ZNF257: variants seen among roughly 807,000 people sequenced by gnomAD.
ZNF257 encodes the protein bone marrow zinc finger 4.
Under a neutral mutation model 11.9 loss-of-function variants are expected in ZNF257, and 12 were observed. That is an observed-to-expected ratio of 1.01 (90% CI 0.65 to 1.63). ZNF257 has a LOEUF of 1.63. ZNF257 is among the 40% of genes most tolerant of loss of function. ZNF257 has a pLI of 0.00. For synonymous variants in ZNF257, 183 were observed against 222.7 expected, an observed-to-expected ratio of 0.82 and a Z score of 1.59; for missense variants, 580 against 665.5, an observed-to-expected ratio of 0.87 and a Z score of 1.41.
At chr19:22,082,340 G>A (rs565974512) in intron 3 of ZNF257, among the ~76,000 whole-genome samples, 46 of 152,114 alleles carry the variant, frequency 3.0e-4, no homozygotes, top group Admixed American at 5.9e-4. Flanking sequence ...TAATGGACTC[G>A]TAGCATTTCT....
At chr19:22,059,340 T>C (rs558552993) in intron 1 of ZNF257, among the ~76,000 whole-genome samples, 6 of 152,350 alleles carry the variant, frequency 3.9e-5, no homozygotes, top group Middle Eastern at 6.8e-3. Flanking sequence ...TATTGTTCTC[T>C]TTGTGTCTAT....
At chr19:22,057,091 G>A (rs570982144) in intron 1 of ZNF257, among the ~76,000 whole-genome samples, 2 of 152,080 alleles carry the variant, frequency 1.3e-5, no homozygotes, top group Non-Finnish European at 2.9e-5. Flanking sequence ...CCTCCTAGAA[G>A]TGTTCACATA....
chr19:22,088,441 T>C lies in ZNF257; in HGVS notation c.691T>C (p.Cys231Arg), dbSNP rs2145721368. 6.2e-7 allele frequency: 1 copy of C among 1,613,652 alleles called. No individual in the cohort carries two copies. The highest frequency in any genetic ancestry group is 1.3e-5 in the African/African-American group (1 of 74,918). Residue 231 changes from cysteine to arginine, a missense_variant, in exon 4 of 4, where the codon TGT becomes CGT. Coordinates refer to ENST00000594947, the MANE Select transcript of ZNF257 (RefSeq NM_033468.4). ...TCATACTGGAGAGAAACCCTACAAA[T>C]GTGAAGAGTGTGGAAAAGCTTTTAA... ...MTHTGEKPYK[C>R]EECGKAFNRS...
intron 1 of ZNF257, among the ~76,000 whole-genome samples, chr19:22,056,980 T>A (rs1381023054): frequency 6.6e-6 from 1 of 152,196 alleles, no homozygotes; most frequent in African/African-American, 2.4e-5. Flanking sequence ...ATCAGTTTCT[T>A]TTTTTGCAGG....
chr19:22,089,679 G>T lies in ZNF257; in HGVS notation c.*237G>T. On this transcript the variant is annotated 3_prime_UTR_variant, in exon 4 of 4. Transcript: ENST00000594947. Reference sequence around the variant, plus strand: ...CCAGTTCTCAACTCTTACTAAACATGAGAACACATGTGGAAGATAAAGCCT... The same window carrying T: ...CCAGTTCTCAACTCTTACTAAACATTAGAACACATGTGGAAGATAAAGCCT... 1 of 1,012,502 alleles carries T rather than the reference G, an allele frequency of 9.9e-7. No individual in the cohort carries two copies. 62.7% of individuals were successfully genotyped at this position (1,012,502 alleles called of 1,614,324 possible).
At position 22,059,669 on chromosome 19, in the gene ZNF257, G is replaced by A. The variant is rs191556171; in HGVS notation, c.3+7034G>A. On this transcript the variant is annotated intron_variant, in intron 1 of 3. Coordinates refer to ENST00000594947, the MANE Select transcript of ZNF257 (RefSeq NM_033468.4). Reference sequence around the variant, plus strand: ...TTTTTTTTTTTTTTTTAATGGCCACGTAGTATTCCATGATGCTTATGTACC... The same window carrying A: ...TTTTTTTTTTTTTTTTAATGGCCACATAGTATTCCATGATGCTTATGTACC... Among the ~76,000 whole-genome samples, 12 of 145,352 alleles carry A rather than the reference G, an allele frequency of 8.3e-5. No homozygotes were observed. In the East Asian group the frequency reaches 1.2e-3, roughly 15 times the overall value.
chr19:22,069,410 C>A (rs1185019039), intron 1 of ZNF257, among the ~76,000 whole-genome samples: 1 of 151,738 alleles, frequency 6.6e-6, no homozygotes, highest in East Asian at 1.9e-4. Flanking sequence ...GTCAGGAGTT[C>A]GAGACCAGCC....
chr19:22,088,129 A>C lies in ZNF257; in HGVS notation c.379A>C (p.Lys127Gln). The C allele has an allele frequency of 6.2e-7, 1 of 1,610,788 alleles. No homozygotes were observed. The highest frequency in any genetic ancestry group is 8.5e-7 in the Non-Finnish European group (1 of 1,178,072). ...AAGTGTGGATGAGTGTAAGGTGTGCAAAGGAGGTTATAATGGACTTAACCA... is the reference window on the plus strand; with the variant it reads ...AAGTGTGGATGAGTGTAAGGTGTGCCAAGGAGGTTATAATGGACTTAACCA... ...CKSVDECKVC[K>Q]GGYNGLNQCL... The change falls in exon 4 of 4, where the codon AAA (lysine) becomes CAA (glutamine). Residue 127 changes from lysine (K) to glutamine (Q), a missense_variant. By Grantham distance (53) the Lys-to-Gln change is moderately conservative. Transcript: ENST00000594947.
At chr19:22,077,497 A>G (rs62110989) in intron 3 of ZNF257, among the ~76,000 whole-genome samples, 19,709 of 152,124 alleles carry the variant, frequency 0.13, 1,474 homozygotes, top group Middle Eastern at 0.21. Flanking sequence ...TATGAGTGTG[A>G]TGACTTAAAA....
intron 3 of ZNF257, among the ~76,000 whole-genome samples, chr19:22,080,523 C>T (rs1482537124): frequency 2.6e-5 from 4 of 152,000 alleles, no homozygotes; most frequent in African/African-American, 7.3e-5. Context: ...CTTTTTGAGA[C>T]CCTCACCAGA....
chr19:22,062,682 A>G (rs1469575869), intron 1 of ZNF257, among the ~76,000 whole-genome samples: 1 of 151,938 alleles, frequency 6.6e-6, no homozygotes, highest in African/African-American at 2.4e-5. Context: ...GGGTTTCTCC[A>G]TGTTGGTCAG....
At chr19:22,067,320 G>A (rs762061344) in intron 1 of ZNF257, among the ~76,000 whole-genome samples, 2 of 152,032 alleles carry the variant, frequency 1.3e-5, no homozygotes, top group Non-Finnish European at 2.9e-5. Context: ...TAATATGTGC[G>A]CACTGAATAG....
intron 3 of ZNF257, among the ~76,000 whole-genome samples, chr19:22,085,114 G>A (rs541836488): frequency 1.2e-3 from 176 of 151,948 alleles, no homozygotes; most frequent in African/African-American, 3.8e-3. Context: ...GTTCAGTGGC[G>A]CGATTTCTGC....
chr19:22,084,253 G>A lies in ZNF257; in HGVS notation c.227-3724G>A, dbSNP rs911196357. On this transcript the variant is annotated intron_variant, in intron 3 of 3. Transcript: ENST00000594947. ...CATTGTTTTTAACTATTGGCTTTCC[G>A]TAACAATGCTACAATTATTATGGGT... 4.6e-5 allele frequency among the ~76,000 whole-genome samples: 7 copies of A among 151,756 alleles called. 1 individual carries two copies. Among genetic ancestry groups the A allele is most frequent in the Admixed American group, 2.0e-4 (3 of 15,246 alleles).
Position 22,072,950 on chromosome 19 carries a change from A to T in ZNF257, c.130+15A>T. On this transcript the variant is annotated intron_variant, in intron 2 of 3. Transcript: ENST00000594947. ...GGTCTTCCTGGGTGAGGATAACTTC[A>T]GTACTCAATTCCTAATATACTCCAA... 6.2e-7 allele frequency: 1 copy of T among 1,603,402 alleles called. No individual in the cohort carries two copies. The highest frequency in any genetic ancestry group is 1.3e-5 in the African/African-American group (1 of 74,224).
At chr19:22,081,064 AGTCGGGGTTTCACCAT>A (rs1427315463) in intron 3 of ZNF257, among the ~76,000 whole-genome samples, 1 of 151,752 alleles carries the variant, frequency 6.6e-6, no homozygotes, top group Non-Finnish European at 1.5e-5. Context: ...TTTTTAGTAG[AGTCGGGGTTTCACCAT>A]GTTAACCAGC....
At chr19:22,085,038 G>GTT (rs567400028) in intron 3 of ZNF257, among the ~76,000 whole-genome samples, 2 of 147,774 alleles carry the variant, frequency 1.4e-5, no homozygotes, top group African/African-American at 4.9e-5. Context: ...CAAAGTTTTA[G>GTT]TTTTTTTTTT....
chr19:22,087,889 A>C, intron 3 of ZNF257, 88 bp from the exon 4 acceptor site: 7 of 1,153,080 alleles, frequency 6.1e-6, no homozygotes, highest in Non-Finnish European at 8.1e-6. Context: ...TTCCTTATGT[A>C]GTATATACAG....
intron 3 of ZNF257, among the ~76,000 whole-genome samples, chr19:22,079,194 G>T (rs1157683490): frequency 2.0e-5 from 3 of 152,050 alleles, no homozygotes; most frequent in Admixed American, 1.3e-4. Flanking sequence ...TTAAAGGGGG[G>T]TTCATTTCTT....
Sources: gnomAD v4.1 joint callset for allele counts (sites outside exome capture counted in the v4.1 genomes callset) on GRCh38, gnomAD v4.1.1 for gene constraint, MANE v1.5 for transcripts, NCBI Gene and HGNC (gene_info 2026-07-23, HGNC 2026-07-21) for gene names.